IQCH: variants seen among roughly 807,000 people sequenced by gnomAD.
The protein encoded by IQCH is IQ domain-containing protein H.
Under a neutral mutation model 117.0 loss-of-function variants are expected in IQCH, and 98 were observed. That is an observed-to-expected ratio of 0.84 (90% CI 0.71 to 0.99). The LOEUF is 0.99. Ranked by LOEUF, IQCH falls within the 50% of genes least tolerant of loss-of-function variation. The pLI, the probability that IQCH is intolerant of heterozygous loss-of-function variation, is 0.00. For synonymous variants in IQCH, 412 were observed against 448.2 expected (o/e 0.92, Z 1.02); for missense variants, 1,102 against 1,243.8 (o/e 0.89, Z 1.72).
intron 3 of IQCH, among the ~76,000 whole-genome samples, chr15:67,277,231 A>G (rs948461106): frequency 6.6e-6 from 1 of 152,136 alleles, no homozygotes; most frequent in Non-Finnish European, 1.5e-5. Context: ...TTTTTTCATT[A>G]GTGCCCTTAG....
chr15:67,490,163 GATTT>G lies in IQCH; in HGVS notation c.2861+103_2861+106del. ...TCTCATGCATTTTAATCAGCATGCT[GATTT>G]ATTAGAAGTCTATCTTTATTTAGAT... On this transcript the variant is annotated intron_variant, in intron 19 of 20. Coordinates refer to ENST00000335894, the MANE Select transcript of IQCH (RefSeq NM_001031715.3). The surrounding 1 kb of genome is among the most constrained non-coding windows in gnomAD (Gnocchi z 4.9). 10 of 823,234 alleles carry G rather than the reference GATTT, an allele frequency of 1.2e-5. No individual in the cohort carries two copies. The highest frequency in any genetic ancestry group is 2.1e-5 in the Non-Finnish European group (10 of 486,628). 51.0% of individuals were successfully genotyped at this position (823,234 alleles called of 1,614,324 possible).
rs1459743164 is a variant in IQCH at position 67,407,973 on chromosome 15, G to A, written c.2097+7668G>A. ...GCCAAGGTCTATTGTACAAGGCAGAGAAAAGGAGGTTTAAATGTTACTCCC... is the reference window on the plus strand; with the variant it reads ...GCCAAGGTCTATTGTACAAGGCAGAAAAAAGGAGGTTTAAATGTTACTCCC... On this transcript the variant is annotated intron_variant, in intron 14 of 20. Coordinates refer to ENST00000335894, the MANE Select transcript of IQCH (RefSeq NM_001031715.3). The surrounding 1 kb of genome is among the most constrained non-coding windows in gnomAD (Gnocchi z 5.3). 1.3e-5 allele frequency: 2 copies of A among 152,214 alleles called. No homozygotes were observed. Among genetic ancestry groups the A allele is most frequent in the East Asian group, 3.9e-4 (2 of 5,194 alleles). 9.4% of individuals were successfully genotyped at this position (152,214 alleles called of 1,614,324 possible).
chr15:67,445,432 C>T lies in IQCH; in HGVS notation c.2506-19695C>T, dbSNP rs72747410. Among the ~76,000 whole-genome samples the T allele has an allele frequency of 0.14, 21,198 of 151,956 alleles. 1,516 individuals carry two copies. The highest frequency in any genetic ancestry group is 0.21 in the East Asian group (1,066 of 5,156). ...CTATCCCACCCCAGAGTACCTACCT[C>T]ATGTCTGGTTTTTTTGTTTGTTTTT... On this transcript the variant is annotated intron_variant, in intron 16 of 20. Transcript: ENST00000335894. This position sits in a 1 kb window ranked among gnomAD's most constrained non-coding sequence, Gnocchi z 4.3.
intron 3 of IQCH, among the ~76,000 whole-genome samples, chr15:67,270,948 G>A (rs1488414645): frequency 1.3e-5 from 2 of 152,108 alleles, no homozygotes; most frequent in African/African-American, 2.4e-5. Flanking sequence ...TGATTGATTT[G>A]ACTGTGTTAT....
chr15:67,314,907 A>C (rs1446146114), intron 4 of IQCH, among the ~76,000 whole-genome samples: 1 of 152,232 alleles, frequency 6.6e-6, no homozygotes, highest in African/African-American at 2.4e-5. Context: ...CAACAATTTA[A>C]ATCCTCTGGT....
intron 3 of IQCH, among the ~76,000 whole-genome samples, chr15:67,272,532 C>T (rs1390278145): frequency 6.6e-6 from 1 of 152,138 alleles, no homozygotes; most frequent in Non-Finnish European, 1.5e-5. Flanking sequence ...GCTAAAGTCC[C>T]TTACTATTAT....
intron 10 of IQCH, among the ~76,000 whole-genome samples, chr15:67,383,072 G>T (rs935800580): frequency 6.6e-6 from 1 of 151,266 alleles, no homozygotes; most frequent in Non-Finnish European, 1.5e-5. Context: ...GTTGTATCTT[G>T]TCCATGTAGA....
chr15:67,341,413 C>G (rs561597985), intron 5 of IQCH, among the ~76,000 whole-genome samples: 1 of 152,218 alleles, frequency 6.6e-6, no homozygotes, highest in East Asian at 1.9e-4. Context: ...CACCAAATTC[C>G]CAATCATGGC....
chr15:67,321,503 CTT>C (rs1285705107), intron 4 of IQCH, among the ~76,000 whole-genome samples: 3 of 131,366 alleles, frequency 2.3e-5, no homozygotes, highest in Non-Finnish European at 4.8e-5. Flanking sequence ...TTTCTTTTTT[CTT>C]TCTTTCTTTT....
At chr15:67,273,816 A>C (rs954131325) in intron 3 of IQCH, among the ~76,000 whole-genome samples, 3 of 152,008 alleles carry the variant, frequency 2.0e-5, no homozygotes, top group African/African-American at 7.3e-5. Context: ...TTTCTTTCAG[A>C]CTGAATAACT....
At chr15:67,402,537 T>C (rs961298697) in intron 14 of IQCH, among the ~76,000 whole-genome samples, 2 of 152,198 alleles carry the variant, frequency 1.3e-5, no homozygotes, top group African/African-American at 4.8e-5. Context: ...AGCACAGGCA[T>C]GTTTTAATGT....
chr15:67,374,459 A>G (rs1970670844), intron 10 of IQCH, among the ~76,000 whole-genome samples: 1 of 152,228 alleles, frequency 6.6e-6, no homozygotes, highest in African/African-American at 2.4e-5. Flanking sequence ...TAGAAACATA[A>G]CACATTTAAA....
intron 8 of IQCH, among the ~76,000 whole-genome samples, chr15:67,361,602 G>A (rs762967677): frequency 3.9e-5 from 6 of 152,100 alleles, no homozygotes; most frequent in Admixed American, 6.5e-5. Context: ...CAGGTAATCA[G>A]TTTCTGTGTC....
intron 16 of IQCH, among the ~76,000 whole-genome samples, chr15:67,461,629 T>C (rs7165905): frequency 0.85 from 129,526 of 152,274 alleles, 55,147 homozygotes; most frequent in Middle Eastern, 0.89. Flanking sequence ...GTCCTCCTGT[T>C]TCCTTTGAGA....
Position 67,411,310 on chromosome 15 carries a change from G to A in IQCH, c.2098-5621G>A, listed in dbSNP as rs1426670807. Among the ~76,000 whole-genome samples, 1 of 152,188 alleles carries A rather than the reference G, an allele frequency of 6.6e-6. No individual in the cohort carries two copies. Among genetic ancestry groups the A allele is most frequent in the Non-Finnish European group, 1.5e-5 (1 of 68,034 alleles). ...AGTCAGAGGCAGCCAGAGAGCACCT[G>A]CGGCCTCCCAGTGTGACTGGAGAAG... On this transcript the variant is annotated intron_variant, in intron 14 of 20. Transcript: ENST00000335894. The surrounding 1 kb of genome is among the most constrained non-coding windows in gnomAD (Gnocchi z 4.4).
intron 8 of IQCH, among the ~76,000 whole-genome samples, chr15:67,360,310 C>T (rs1372726725): frequency 9.2e-5 from 14 of 152,214 alleles, no homozygotes; most frequent in Admixed American, 8.5e-4. Context: ...ATGCAACATA[C>T]TGCATGTATG....
At chr15:67,362,191 C>G (rs746644659) in intron 8 of IQCH, among the ~76,000 whole-genome samples, 23 of 150,730 alleles carry the variant, frequency 1.5e-4, no homozygotes, top group Non-Finnish European at 3.1e-4. Context: ...ATATTTACAG[C>G]AAAGACGACA....
rs142246023 is a variant in IQCH at position 67,443,797 on chromosome 15, G to A, written c.2506-21330G>A. Among the ~76,000 whole-genome samples, 2 of 152,314 alleles carry A rather than the reference G, an allele frequency of 1.3e-5. No individual in the cohort carries two copies. Among genetic ancestry groups the A allele is most frequent in the East Asian group, 3.9e-4 (2 of 5,184 alleles). ...ACTGATGGCCAGAGTAATTACGAAT[G>A]ATAATATTAACTACTTACTGTATTT... On this transcript the variant is annotated intron_variant, in intron 16 of 20. Transcript: ENST00000335894. The surrounding 1 kb of genome is among the most constrained non-coding windows in gnomAD (Gnocchi z 5.0).
At chr15:67,345,586 A>G (rs1969351852) in intron 6 of IQCH, among the ~76,000 whole-genome samples, 2 of 152,112 alleles carry the variant, frequency 1.3e-5, no homozygotes, top group African/African-American at 2.4e-5. Flanking sequence ...CTACAGAAAA[A>G]CTATGAGAAA....
Sources: allele counts gnomAD v4.1 joint callset (sites outside exome capture counted in the v4.1 genomes callset), GRCh38; gene constraint gnomAD v4.1.1; non-coding constraint Gnocchi (gnomAD v3.1); transcripts MANE v1.5; gene names NCBI Gene and HGNC (gene_info 2026-07-23, HGNC 2026-07-21).